Variants in JAKMIP3 observed in about 807,000 individuals in gnomAD.
The protein encoded by JAKMIP3 is janus kinase and microtubule-interacting protein 3.
A neutral mutation model predicts 118.5 loss-of-function variants in JAKMIP3; 58 were observed. The ratio of observed to expected loss-of-function variants is 0.49; its 90% confidence interval spans 0.40 to 0.61. The LOEUF is 0.61. Ranked by LOEUF, JAKMIP3 falls within the 20% of genes least tolerant of loss-of-function variation. JAKMIP3 has a pLI of 0.00. For synonymous variants in JAKMIP3, 486 were observed against 451.2 expected (o/e 1.08, Z -0.98); for missense variants, 950 against 1,109.0 (o/e 0.86, Z 2.04).
chr10:132,086,119 G>C (rs9419355), intron 1 of JAKMIP3, among the ~76,000 whole-genome samples: 3 of 151,962 alleles, frequency 2.0e-5, no homozygotes, highest in African/African-American at 7.3e-5. Flanking sequence ...TTGTTGACCC[G>C]GTGATCATTC....
Position 132,180,560 on chromosome 10 carries a change from T to TGTGTGCGC in JAKMIP3, c.*1104-1792_*1104-1791insCGCGTGTG, listed in dbSNP as rs1565018419. Among the ~76,000 whole-genome samples the TGTGTGCGC allele has an allele frequency of 1.3e-3, 69 of 51,822 alleles. 7 individuals carry two copies. The highest frequency in any genetic ancestry group is 2.4e-3 in the South Asian group (3 of 1,232). The allele number at this position is 51,822 out of a possible 152,430, so 34.0% of individuals were successfully genotyped here. Reference sequence around the variant, plus strand: ...GTGTGTGTGTGCGTGCGTGCATGCGTGTGTGTGCGTGTGTGTGTGCGTGCG... The same window carrying TGTGTGCGC: ...GTGTGTGTGTGCGTGCGTGCATGCGTGTGTGCGCGTGTGTGCGTGTGTGTGTGCGTGCG... On this transcript the variant is annotated intron_variant, in intron 23 of 23. Coordinates refer to ENST00000684848, the MANE Select transcript of JAKMIP3 (RefSeq NM_001323087.2).
chr10:132,151,635 C>A (rs935191787), intron 16 of JAKMIP3, among the ~76,000 whole-genome samples: 29 of 152,184 alleles, frequency 1.9e-4, no homozygotes, highest in African/African-American at 6.8e-4. Context: ...GAAGCTGAGT[C>A]CCCAAAGGCA....
At chr10:132,173,479 T>C (rs1014233083) in intron 23 of JAKMIP3, among the ~76,000 whole-genome samples, 2 of 151,850 alleles carry the variant, frequency 1.3e-5, no homozygotes, top group African/African-American at 4.8e-5. Context: ...GCACAATTCC[T>C]TTCCCCCCAG....
At chr10:132,102,917 G>A (rs2045221267) in intron 1 of JAKMIP3, among the ~76,000 whole-genome samples, 1 of 151,696 alleles carries the variant, frequency 6.6e-6, no homozygotes, top group African/African-American at 2.4e-5. Flanking sequence ...GGAGATGCAG[G>A]AGTGATGGGG....
intron 23 of JAKMIP3, among the ~76,000 whole-genome samples, chr10:132,175,361 A>G (rs958530644): frequency 1.3e-5 from 2 of 152,032 alleles, no homozygotes; most frequent in Admixed American, 6.5e-5. Flanking sequence ...CTTCCACCCC[A>G]TGGTCAATAA....
In JAKMIP3 at chr10:132,044,109, G is replaced by A. The variant is rs1256866198; in HGVS notation, c.-138+7371G>A. ...GGCCCACCTGGGGACACAGGCTGCC[G>A]CCTTGATGCTGCTCCCCTGGGACCA... On this transcript the variant is annotated intron_variant, in intron 1 of 23. Coordinates refer to the JAKMIP3 transcript ENST00000657785. The surrounding 1 kb of genome is among the most constrained non-coding windows in gnomAD (Gnocchi z 5.3). Among the ~76,000 whole-genome samples the A allele has an allele frequency of 2.6e-5, 4 of 152,224 alleles. No homozygotes were observed. The highest frequency in any genetic ancestry group is 2.1e-4 in the South Asian group (1 of 4,830).
rs1010689428 is a variant in JAKMIP3, at chr10:132,140,324, A to G, written c.1345-127A>G. ...GCCACCTCCTCGGCCTGTGCCAGGG[A>G]CAGAGATGGGAGTGTGTCGCAGGGT... On this transcript the variant is annotated intron_variant, in intron 9 of 23. Coordinates refer to ENST00000684848, the MANE Select transcript of JAKMIP3 (RefSeq NM_001323087.2). 1.3e-5 allele frequency: 16 copies of G among 1,254,742 alleles called. No individual in the cohort carries two copies. The African/African-American group carries it at 2.3e-4, about 18-fold the overall frequency. 77.7% of individuals were successfully genotyped at this position (1,254,742 alleles called of 1,614,324 possible). A position where few individuals can be genotyped will look rare whatever the true frequency, so the allele number is the denominator to read the frequency against.
intron 1 of JAKMIP3, among the ~76,000 whole-genome samples, chr10:132,042,370 C>T (rs1225085427): frequency 6.6e-6 from 1 of 152,274 alleles, no homozygotes; most frequent in East Asian, 1.9e-4. Context: ...CACCACCACG[C>T]CTGGCTAATT....
At chr10:132,097,672 A>G (rs2044075273) in intron 1 of JAKMIP3, among the ~76,000 whole-genome samples, 1 of 151,808 alleles carries the variant, frequency 6.6e-6, no homozygotes, top group African/African-American at 2.4e-5. Context: ...CATTGGGGGA[A>G]ATAGGGAAAG....
chr10:132,156,513 G>A (rs979708860), intron 19 of JAKMIP3, among the ~76,000 whole-genome samples: 3 of 152,178 alleles, frequency 2.0e-5, no homozygotes, highest in African/African-American at 7.2e-5. Flanking sequence ...CTTCGCTGCT[G>A]CTGTTCCATC....
At chr10:132,097,958 TCCCTTTCCTTCCTTTTCTCCCCTTC>T (rs1554928222) in intron 1 of JAKMIP3, among the ~76,000 whole-genome samples, 1 of 51,904 alleles carries the variant, frequency 1.9e-5, no homozygotes, top group African/African-American at 6.2e-5. Context: ...CCATCCCCTT[TCCCTTTCCTTCCTTTTCTCCCCTTC>T]CCCTTCCCCT....
At chr10:132,119,321 C>T (rs976721700) in intron 3 of JAKMIP3, among the ~76,000 whole-genome samples, 1 of 152,152 alleles carries the variant, frequency 6.6e-6, no homozygotes, top group Non-Finnish European at 1.5e-5. Flanking sequence ...TCTTAAATTT[C>T]AAAGTAAAAC....
chr10:132,177,296 G>T (rs1289718355), intron 23 of JAKMIP3, among the ~76,000 whole-genome samples: 1 of 152,278 alleles, frequency 6.6e-6, no homozygotes, highest in Non-Finnish European at 1.5e-5. Flanking sequence ...AGGCCTGTGA[G>T]AACAGCTGCC....
At chr10:132,105,852 T>TAGTTCTCTCCCTCCCC (rs61706239) in intron 2 of JAKMIP3, among the ~76,000 whole-genome samples, 30,870 of 152,008 alleles carry the variant, frequency 0.2, 3,362 homozygotes, top group East Asian at 0.29. Flanking sequence ...TCTCCCTCCC[T>TAGTTCTCTCCCTCCCC]GTTTCTTGCC....
chr10:132,134,617 G>A lies in JAKMIP3; in HGVS notation c.850-424G>A, dbSNP rs115628151. On this transcript the variant is annotated intron_variant, in intron 4 of 23. Coordinates refer to ENST00000684848, the MANE Select transcript of JAKMIP3 (RefSeq NM_001323087.2). ...GAGAAATGCCGCCCCGTGGGGCAGGGGGCGCGCACCCTCCTGAAGGGGCAG... is the reference window on the plus strand; with the variant it reads ...GAGAAATGCCGCCCCGTGGGGCAGGAGGCGCGCACCCTCCTGAAGGGGCAG... Among the ~76,000 whole-genome samples the A allele has an allele frequency of 9.5e-3, 1,441 of 152,276 alleles. 26 individuals are homozygous for A. The highest frequency in any genetic ancestry group is 0.033 in the African/African-American group (1,365 of 41,564).
chr10:132,158,363 C>T (rs2057343529), intron 19 of JAKMIP3, among the ~76,000 whole-genome samples: 1 of 152,154 alleles, frequency 6.6e-6, no homozygotes, highest in African/African-American at 2.4e-5. Flanking sequence ...ATCAAACATC[C>T]CATGGACACC....
Position 132,168,103 on chromosome 10 carries a change from G to C in JAKMIP3, c.*173G>C, listed in dbSNP as rs758025094. The C allele has an allele frequency of 2.3e-6, 3 of 1,289,084 alleles. No homozygotes were observed. The highest frequency in any genetic ancestry group is 4.6e-5 in the Admixed American group (2 of 43,524). 79.9% of individuals were successfully genotyped at this position (1,289,084 alleles called of 1,614,324 possible). A position where few individuals can be genotyped will look rare whatever the true frequency, so the allele number is the denominator to read the frequency against. On this transcript the variant is annotated 3_prime_UTR_variant, in exon 23 of 24. Transcript: ENST00000684848. ...AGTGAGAAGGGGCAGTGTGTGGGGC[G>C]TGGAGCTGCCGTCCACGTGGGATGT...
At chr10:132,113,736 A>G (rs1257284427) in intron 2 of JAKMIP3, among the ~76,000 whole-genome samples, 1 of 152,168 alleles carries the variant, frequency 6.6e-6, no homozygotes, top group South Asian at 2.1e-4. Flanking sequence ...TTACCTTTCA[A>G]TTTTATATCG....
intron 1 of JAKMIP3, among the ~76,000 whole-genome samples, chr10:132,086,948 T>C (rs2042474106): frequency 6.6e-6 from 1 of 152,210 alleles, no homozygotes; most frequent in Non-Finnish European, 1.5e-5. Flanking sequence ...TGTATTTTTG[T>C]TTTATAGGTC....
Sources: allele counts gnomAD v4.1 joint callset (sites outside exome capture counted in the v4.1 genomes callset), GRCh38; gene constraint gnomAD v4.1.1; non-coding constraint Gnocchi (gnomAD v3.1); transcripts MANE v1.5; gene names NCBI Gene and HGNC (gene_info 2026-07-23, HGNC 2026-07-21).